The following ELF1 variants were observed in gnomAD, a reference collection of about 807,000 sequenced individuals.
The protein encoded by ELF1 is E74 like ETS transcription factor 1.
ELF1 carries 24 observed loss-of-function variants against 59.9 expected under a neutral mutation model. That is an observed-to-expected ratio of 0.40 (90% CI 0.29 to 0.56). The LOEUF (loss-of-function observed/expected upper bound fraction) is 0.56, where lower values mean the gene tolerates loss of function less well. ELF1 is among the 20% of genes least tolerant of loss of function. The pLI, the probability that ELF1 is intolerant of heterozygous loss-of-function variation, is 0.44. For synonymous variants in ELF1, 248 were observed against 266.2 expected, an observed-to-expected ratio of 0.93 and a Z score of 0.67; for missense variants, 627 against 742.2, an observed-to-expected ratio of 0.84 and a Z score of 1.80.
intron 8 of ELF1, 57 bp from the exon 9 acceptor site, chr13:40,934,085 C>T: frequency 3.9e-6 from 6 of 1,537,188 alleles, no homozygotes; most frequent in Non-Finnish European, 5.2e-6. Flanking sequence ...TCATTTAAAA[C>T]TTTAACACTT....
intron 1 of ELF1, among the ~76,000 whole-genome samples, chr13:41,031,170 AG>A (rs1473326641): frequency 4.1e-5 from 6 of 147,346 alleles, no homozygotes; most frequent in African/African-American, 1.6e-4. Flanking sequence ...AAAAAAAAAA[AG>A]AAAGAAAGAA....
At chr13:40,955,845 A>C (rs1214118753) in intron 3 of ELF1, among the ~76,000 whole-genome samples, 1 of 66,252 alleles carries the variant, frequency 1.5e-5, no homozygotes, top group South Asian at 5.6e-4. Flanking sequence ...GGCCACCCCT[A>C]CTGGGAAGAG....
At chr13:40,975,587 A>G (rs543784931) in intron 2 of ELF1, among the ~76,000 whole-genome samples, 1 of 152,338 alleles carries the variant, frequency 6.6e-6, no homozygotes, top group South Asian at 2.1e-4. Flanking sequence ...ACTTCAGAAA[A>G]AAGATTCCAT....
upstream of ELF1, among the ~76,000 whole-genome samples, chr13:41,021,632 TTATC>T (rs1354439040): frequency 6.6e-6 from 1 of 152,214 alleles, no homozygotes; most frequent in Non-Finnish European, 1.5e-5. Flanking sequence ...CATAACTTAT[TTATC>T]TATCATTTAG....
At chr13:41,040,975 C>T (rs1876581769) in intron 1 of ELF1, among the ~76,000 whole-genome samples, 1 of 152,102 alleles carries the variant, frequency 6.6e-6, no homozygotes, top group Admixed American at 6.5e-5. Flanking sequence ...CAAAGAATGA[C>T]CAGGAAAACC....
At chr13:41,010,868 T>C (rs1291108890) in intron 1 of ELF1, among the ~76,000 whole-genome samples, 1 of 152,126 alleles carries the variant, frequency 6.6e-6, no homozygotes, top group African/African-American at 2.4e-5. Context: ...ATACATACAC[T>C]ATGGGAAGTA....
At chr13:40,940,716 T>C (rs1203059344) in intron 8 of ELF1, among the ~76,000 whole-genome samples, 1 of 152,206 alleles carries the variant, frequency 6.6e-6, no homozygotes, top group African/African-American at 2.4e-5. Context: ...ATGCCAGTAA[T>C]GTCAAAATGT....
At chr13:40,998,456 C>CTAGGTTTGTG (rs1874237706) in intron 1 of ELF1, among the ~76,000 whole-genome samples, 1 of 152,106 alleles carries the variant, frequency 6.6e-6, no homozygotes, top group Admixed American at 6.5e-5. Context: ...GCTATACCAT[C>CTAGGTTTGTG]TAGGTTTGTG....
intron 3 of ELF1, among the ~76,000 whole-genome samples, chr13:40,952,174 A>T (rs890899407): frequency 6.6e-6 from 1 of 152,138 alleles, no homozygotes; most frequent in Admixed American, 6.5e-5. Flanking sequence ...GATTTTGCCA[A>T]CTATATTCCT....
intron 1 of ELF1, among the ~76,000 whole-genome samples, chr13:41,033,459 C>T (rs923421152): frequency 3.3e-5 from 5 of 152,270 alleles, no homozygotes; most frequent in Admixed American, 1.3e-4. Flanking sequence ...TAAAATGGAG[C>T]TAACTATTGA....
chr13:40,980,285 G>C (rs1873179232), intron 2 of ELF1, among the ~76,000 whole-genome samples: 1 of 152,116 alleles, frequency 6.6e-6, no homozygotes, highest in South Asian at 2.1e-4. Context: ...ATTATAAAAT[G>C]GGGATCAGTA....
At chr13:41,012,487 A>G (rs1015034863) in intron 1 of ELF1, among the ~76,000 whole-genome samples, 13 of 149,518 alleles carry the variant, frequency 8.7e-5, no homozygotes, top group African/African-American at 3.2e-4. Context: ...ATCCCTCTCC[A>G]GTCTCATTTT....
In ELF1 at chr13:40,932,539, G is replaced by C. The variant is rs920552554; in HGVS notation, c.*886C>G. The C allele has an allele frequency of 2.0e-5, 3 of 152,108 alleles. No homozygotes were observed. Among genetic ancestry groups the C allele is most frequent in the African/African-American group, 7.2e-5 (3 of 41,422 alleles). 9.4% of individuals were successfully genotyped at this position (152,108 alleles called of 1,614,324 possible). On this transcript the variant is annotated 3_prime_UTR_variant, in exon 9 of 9. Transcript: ENST00000239882. Reference sequence around the variant, plus strand: ...CAAAGCACAGTGGCCTAAAGAGTTAGTAAACAAATTATTTAGGAAGAATTT... The same window carrying C: ...CAAAGCACAGTGGCCTAAAGAGTTACTAAACAAATTATTTAGGAAGAATTT...
chr13:40,935,825 A>T (rs1043172240), intron 8 of ELF1, among the ~76,000 whole-genome samples: 1 of 151,996 alleles, frequency 6.6e-6, no homozygotes, highest in East Asian at 1.9e-4. Flanking sequence ...GGCACCCGCC[A>T]CCATGCCCAG....
chr13:41,055,335 G>T (rs867918006), intron 1 of ELF1, among the ~76,000 whole-genome samples: 6 of 151,820 alleles, frequency 4.0e-5, no homozygotes, highest in Admixed American at 6.6e-5. Flanking sequence ...AAATGTGCTA[G>T]TAACTGTTGA....
At chr13:41,060,702 C>A in intron 1 of ELF1, 1 of 162,212 alleles carries the variant, frequency 6.2e-6, no homozygotes, top group East Asian at 1.5e-4. Context: ...GCCCTCCAAA[C>A]CGATAGTTGC....
At position 40,932,648 on chromosome 13, in the gene ELF1, G is replaced by T. The variant is rs1417013062; in HGVS notation, c.*777C>A. On this transcript the variant is annotated 3_prime_UTR_variant, in exon 9 of 9. Transcript: ENST00000239882. Reference sequence around the variant, plus strand: ...AACATTTTAGCTATTCTTACATTAGGAAATAACCTGATAATGATTTAATTG... The same window carrying T: ...AACATTTTAGCTATTCTTACATTAGTAAATAACCTGATAATGATTTAATTG... 3 of 152,106 alleles carry T rather than the reference G, an allele frequency of 2.0e-5. No homozygotes were observed. The South Asian group carries it at 6.2e-4, about 32-fold the overall frequency. 9.4% of individuals were successfully genotyped at this position (152,106 alleles called of 1,614,324 possible).
At position 40,943,104 on chromosome 13, in the gene ELF1, G is replaced by T. The variant is rs1325258491; in HGVS notation, c.654C>A (p.Leu218=). The T allele has an allele frequency of 6.4e-7, 1 of 1,565,112 alleles. No homozygotes were observed. The highest frequency in any genetic ancestry group is 2.2e-5 in the East Asian group (1 of 44,576). Reference sequence around the variant, plus strand: ...ATTTAGGACAAGTAGCCTTGTCCTGGAGCAGTGCCAGTAAAAACTCCCAAA... The same window carrying T: ...ATTTAGGACAAGTAGCCTTGTCCTGTAGCAGTGCCAGTAAAAACTCCCAAA... The part of the protein sequence containing the change: ...IYLWEFLLAL[L]QDKATCPKYI... Residue 218 remains leucine, a synonymous_variant, in exon 7 of 9, where the codon CTC becomes CTA. Coordinates refer to ENST00000239882, the MANE Select transcript of ELF1 (RefSeq NM_172373.4).
upstream of ELF1, among the ~76,000 whole-genome samples, chr13:41,024,309 GT>G (rs1310422286): frequency 6.6e-6 from 1 of 151,642 alleles, no homozygotes; most frequent in Non-Finnish European, 1.5e-5. Context: ...TTGTTTGTTT[GT>G]TTTGGGGGGG....
Sources: allele counts gnomAD v4.1 joint callset (sites outside exome capture counted in the v4.1 genomes callset), GRCh38; gene constraint gnomAD v4.1.1; transcripts MANE v1.5; gene names NCBI Gene and HGNC (gene_info 2026-07-23, HGNC 2026-07-21).